MYOM1: variants seen among roughly 807,000 people sequenced by gnomAD.
MYOM1 encodes the protein myomesin 1, also known as myomesin-1.
MYOM1 carries 164 observed loss-of-function variants against 205.3 expected under a neutral mutation model. That is an observed-to-expected ratio of 0.80 (90% confidence interval 0.70 to 0.91). The LOEUF (loss-of-function observed/expected upper bound fraction) is 0.91. MYOM1 is among the 40% of genes least tolerant of loss of function. MYOM1 has a pLI of 0.00. For synonymous variants in MYOM1, 772 were observed against 789.4 expected (o/e 0.98, Z 0.37); for missense variants, 2,011 against 2,127.3 (o/e 0.95, Z 1.08).
chr18:3,143,713 C>T (rs140124532), intron 13 of MYOM1, among the ~76,000 whole-genome samples: 290 of 151,640 alleles, frequency 1.9e-3, no homozygotes, highest in Admixed American at 4.2e-3. Context: ...TGAGCCTGGG[C>T]AACATGGTGA....
At chr18:3,133,723 T>C (rs996507122) in intron 16 of MYOM1, among the ~76,000 whole-genome samples, 15 of 152,218 alleles carry the variant, frequency 9.9e-5, no homozygotes, top group African/African-American at 2.7e-4. Context: ...AAAAGCACTA[T>C]GAAATGAACT....
In MYOM1 at chr18:3,112,335, A is replaced by T; in HGVS notation, c.3381T>A (p.Ser1127=). ...CTGCCACAACAGGGCCAGCAAGGTC[A>T]GATGGCTTCCCAACTCCCGCCTGGT... ...AINQAGVGKP[S]DLAGPVVAET... is the part of the protein sequence containing the mutation. Residue 1127 remains serine, a synonymous_variant, in exon 22 of 38, where the codon TCT becomes TCA. Coordinates refer to ENST00000356443, the MANE Select transcript of MYOM1 (RefSeq NM_003803.4). 6.2e-7 allele frequency: 1 copy of T among 1,613,134 alleles called. No individual in the cohort carries two copies.
At chr18:3,228,456 C>T in the MYOM1 span, among the ~76,000 whole-genome samples, 11 of 151,998 alleles carry the variant, frequency 7.2e-5, no homozygotes, top group Non-Finnish European at 1.3e-4. This position sits in a 1 kb window ranked among gnomAD's most constrained non-coding sequence, Gnocchi z 4.5. Flanking sequence ...ACAAGAAGCC[C>T]GCGGAGAACT....
rs1309343550 is a variant in MYOM1 at position 3,173,964 on chromosome 18, G to A, written c.1148C>T (p.Ala383Val). 17 of 1,613,330 alleles carry A rather than the reference G, an allele frequency of 1.1e-5. No individual in the cohort carries two copies. The highest frequency in any genetic ancestry group is 1.4e-5 in the Non-Finnish European group (17 of 1,179,516). Residue 383 changes from alanine to valine, a missense_variant, in exon 8 of 38, where the codon GCT becomes GTT. Physicochemically the swap from Ala to Val is moderately conservative, Grantham distance 64 (BLOSUM62 0). Transcript: ENST00000356443. ...KGEFDETRFH[A>V]GASTMPLSFG... ...GCTGAGGGGCATGGTGGAAGCCCCA[G>A]CGTGGAAGCGAGTCTCATCAAACTC...
At position 3,067,399 on chromosome 18, in the gene MYOM1, A is replaced by G. The variant is rs1443201676; in HGVS notation, c.4921T>C (p.Ser1641Pro). ...TTCACAACCAGCCCGTATTTGCCCG[A>G]GTCAGCGGTGCTCACGCCGTTGATG... ...FTINGVSTAD[S>P]GKYGLVVKNK... Residue 1641 changes from serine to proline, a missense_variant, in exon 38 of 38, where the codon TCG (serine) becomes CCG (proline). Coordinates refer to ENST00000356443, the MANE Select transcript of MYOM1 (RefSeq NM_003803.4). 17 of 1,613,424 alleles carry G rather than the reference A, an allele frequency of 1.1e-5. No individual in the cohort carries two copies. The highest frequency in any genetic ancestry group is 1.4e-5 in the Non-Finnish European group (17 of 1,179,900).
rs747422126 is a variant in MYOM1 at position 3,156,698 on chromosome 18, C to T, written c.1502-1610G>A. ...TCAGCTCACTGCAAGCTCCACCTCCCGGGTTCACGCCATTCTCCTGCCTCA... is the reference window on the plus strand; with the variant it reads ...TCAGCTCACTGCAAGCTCCACCTCCTGGGTTCACGCCATTCTCCTGCCTCA... On this transcript the variant is annotated intron_variant, in intron 10 of 37. Transcript: ENST00000356443. Among the ~76,000 whole-genome samples the T allele has an allele frequency of 8.6e-5, 13 of 151,882 alleles. No individual in the cohort carries two copies. In the East Asian group the frequency reaches 1.5e-3, roughly 18 times the overall value.
chr18:3,132,625 C>T (rs1173306753), intron 16 of MYOM1, among the ~76,000 whole-genome samples: 1 of 152,098 alleles, frequency 6.6e-6, no homozygotes, highest in Non-Finnish European at 1.5e-5. Context: ...ATAACTATGG[C>T]TGTAAGGCAT....
chr18:3,099,334 T>A (rs1308260513), intron 25 of MYOM1, among the ~76,000 whole-genome samples: 2 of 152,252 alleles, frequency 1.3e-5, no homozygotes, highest in East Asian at 3.8e-4. Context: ...ACAAAGGCTG[T>A]TTGTCCATAG....
At chr18:3,215,715 T>C (rs1391521450) in intron 1 of MYOM1, among the ~76,000 whole-genome samples, 6 of 152,182 alleles carry the variant, frequency 3.9e-5, no homozygotes, top group African/African-American at 1.4e-4. Context: ...ATAGCCCAGA[T>C]ATGCCCCTCC....
intron 13 of MYOM1, among the ~76,000 whole-genome samples, chr18:3,148,770 C>T (rs541985364): frequency 7.0e-6 from 1 of 142,916 alleles, no homozygotes; most frequent in Admixed American, 7.4e-5. Context: ...GGCGTGAACC[C>T]GGGAGGCGGA....
the MYOM1 span, among the ~76,000 whole-genome samples, chr18:3,234,027 A>G: frequency 6.6e-6 from 1 of 152,348 alleles, no homozygotes; most frequent in East Asian, 1.9e-4. Context: ...TCTTACCCAG[A>G]ATATGACCCT....
intron 18 of MYOM1, among the ~76,000 whole-genome samples, chr18:3,128,928 C>T (rs1327028470): frequency 2.0e-5 from 3 of 152,196 alleles, no homozygotes; most frequent in Admixed American, 6.5e-5. Flanking sequence ...ACATCGAATT[C>T]TCTTAGCAAA....
intron 2 of MYOM1, among the ~76,000 whole-genome samples, chr18:3,212,571 A>T (rs1038583615): frequency 2.0e-5 from 3 of 152,210 alleles, no homozygotes; most frequent in Admixed American, 1.3e-4. Context: ...AAAAATACAA[A>T]TTCATAAAAC....
chr18:3,132,075 T>C (rs1227372289), intron 16 of MYOM1, among the ~76,000 whole-genome samples: 1 of 146,846 alleles, frequency 6.8e-6, no homozygotes, highest in Non-Finnish European at 1.5e-5. Flanking sequence ...TATATAATAA[T>C]ATATATGAGT....
At chr18:3,150,136 T>C (rs759634905) in intron 12 of MYOM1, among the ~76,000 whole-genome samples, 15 of 152,192 alleles carry the variant, frequency 9.9e-5, no homozygotes, top group Non-Finnish European at 1.6e-4. Context: ...CTCAGCTCAC[T>C]GCAACCTCCG....
chr18:3,211,782 C>T (rs911656932), intron 2 of MYOM1, among the ~76,000 whole-genome samples: 2 of 152,202 alleles, frequency 1.3e-5, no homozygotes, highest in African/African-American at 4.8e-5. Context: ...TCCTAAGACT[C>T]ACTAAGGTCA....
chr18:3,203,775 T>G (rs1009837002), intron 2 of MYOM1, among the ~76,000 whole-genome samples: 1 of 151,592 alleles, frequency 6.6e-6, no homozygotes, highest in African/African-American at 2.4e-5. Context: ...TTCCAACTCA[T>G]TCTACAAGGT....
chr18:3,131,544 G>A, intron 16 of MYOM1, 48 bp from the exon 17 acceptor site: 1 of 1,564,226 alleles, frequency 6.4e-7, no homozygotes, highest in Non-Finnish European at 8.7e-7. Flanking sequence ...GGAAGATTAA[G>A]GAAGATGATT....
At chr18:3,106,659 A>C (rs2079455579) in intron 22 of MYOM1, among the ~76,000 whole-genome samples, 1 of 152,028 alleles carries the variant, frequency 6.6e-6, no homozygotes, top group South Asian at 2.1e-4. Flanking sequence ...CTGTATCTAC[A>C]AAAAAAATTT....
Sources: gnomAD v4.1 joint callset for allele counts (sites outside exome capture counted in the v4.1 genomes callset) on GRCh38, gnomAD v4.1.1 for gene constraint, Gnocchi (gnomAD v3.1) non-coding constraint, MANE v1.5 for transcripts, NCBI Gene and HGNC (gene_info 2026-07-23, HGNC 2026-07-21) for gene names.